Variants in OSBPL9 observed in about 807,000 individuals in gnomAD.
OSBPL9 encodes the protein oxysterol-binding protein-related protein 9.
OSBPL9 carries 40 observed loss-of-function variants against 106.6 expected under a neutral mutation model. The observed-to-expected ratio is 0.38, with a 90% CI of 0.29 to 0.49. The LOEUF is 0.49. OSBPL9 is among the 20% of genes least tolerant of loss of function. The probability of loss-of-function intolerance (pLI) is 0.97; values close to 1 mark genes in which losing one functional copy is unlikely to be tolerated. For synonymous variants in OSBPL9, 269 were observed against 295.4 expected, an observed-to-expected ratio of 0.91 and a Z score of 0.92; for missense variants, 609 against 887.2, an observed-to-expected ratio of 0.69 and a Z score of 3.98.
At chr1:51,662,981 T>C (rs2148738660) in intron 2 of OSBPL9, among the ~76,000 whole-genome samples, 1 of 152,184 alleles carries the variant, frequency 6.6e-6, no homozygotes, top group African/African-American at 2.4e-5. Flanking sequence ...CCTGACCTCA[T>C]GATCTGCCCG....
intron 2 of OSBPL9, among the ~76,000 whole-genome samples, chr1:51,608,237 C>T (rs868502341): frequency 1.2e-4 from 18 of 152,200 alleles, no homozygotes; most frequent in African/African-American, 4.3e-4. Context: ...CAAGTGTCTT[C>T]TGTCTGTTGG....
chr1:51,612,218 G>C (rs185173900), upstream of OSBPL9, among the ~76,000 whole-genome samples: 13 of 152,262 alleles, frequency 8.5e-5, no homozygotes, highest in Admixed American at 8.5e-4. Context: ...TCTATTGCTT[G>C]ATTAGCTTTT....
intron 4 of OSBPL9, among the ~76,000 whole-genome samples, chr1:51,739,165 T>A (rs1007834785): frequency 2.0e-5 from 3 of 152,046 alleles, no homozygotes; most frequent in Non-Finnish European, 2.9e-5. Context: ...AGTGCCCTTC[T>A]GTCATTAATT....
chr1:51,714,137 CTGT>C, intron 4 of OSBPL9, 58 bp downstream of exon 4: 1 of 1,270,618 alleles, frequency 7.9e-7, no homozygotes, highest in Non-Finnish European at 1.1e-6. Context: ...CTTTTTTTGT[CTGT>C]TTTCTGTTTT....
At position 51,654,708 on chromosome 1, in the gene OSBPL9, C is replaced by CTAT. The variant is rs144832297; in HGVS notation, c.162+2687_162+2689dup. On this transcript the variant is annotated intron_variant, in intron 2 of 23. Coordinates refer to ENST00000428468, the MANE Select transcript of OSBPL9 (RefSeq NM_024586.6). ...AAAAAATGTGGTATATAAATACAGTCTATTATTATTATTATTATTATTCAG... is the reference window on the plus strand; with the variant it reads ...AAAAAATGTGGTATATAAATACAGTCTATTATTATTATTATTATTATTATTCAG... 8.1e-3 allele frequency among the ~76,000 whole-genome samples: 1,220 copies of CTAT among 151,512 alleles called. 11 individuals are homozygous for CTAT. The highest frequency in any genetic ancestry group is 0.027 in the African/African-American group (1,132 of 41,312).
At chr1:51,604,723 G>A (rs1193098740) in intron 2 of OSBPL9, among the ~76,000 whole-genome samples, 1 of 152,012 alleles carries the variant, frequency 6.6e-6, no homozygotes, top group East Asian at 2.0e-4. Context: ...GTGCGATCTT[G>A]GCTCACTGCA....
At chr1:51,734,969 T>C (rs1166793023) in intron 4 of OSBPL9, among the ~76,000 whole-genome samples, 2 of 152,226 alleles carry the variant, frequency 1.3e-5, no homozygotes, top group Non-Finnish European at 2.9e-5. Context: ...GCTTCTCAGC[T>C]CCTCAGTTTG....
At chr1:51,575,146 C>T (rs1318178210), upstream of OSBPL9, among the ~76,000 whole-genome samples, 3 of 152,262 alleles carry the variant, frequency 2.0e-5, no homozygotes, top group Admixed American at 1.3e-4. Context: ...TGATCTTCTC[C>T]TTGTAGTTCA....
intron 3 of OSBPL9, among the ~76,000 whole-genome samples, chr1:51,681,412 G>T (rs570497859): frequency 6.6e-6 from 1 of 151,810 alleles, no homozygotes; most frequent in Non-Finnish European, 1.5e-5. Context: ...GAACATATAG[G>T]CAACGGACCA....
At position 51,789,010 on chromosome 1, in the gene OSBPL9, G is replaced by T. The variant is rs1395669675; in HGVS notation, c.*1221G>T. The stretch of plus-strand genomic sequence containing the variant: ...AGGGCTTCTCAAAGTGCTGCTGCAG[G>T]CTTTCTGGTCTCGCTTGGCCCATTC... On this transcript the variant is annotated 3_prime_UTR_variant, in exon 24 of 24. Coordinates refer to ENST00000428468, the MANE Select transcript of OSBPL9 (RefSeq NM_024586.6). Among the ~76,000 whole-genome samples the T allele has an allele frequency of 3.3e-5, 5 of 152,156 alleles. No homozygotes were observed. Among genetic ancestry groups the T allele is most frequent in the Non-Finnish European group, 5.9e-5 (4 of 68,034 alleles).
chr1:51,646,290 C>T (rs1173290354), intron 1 of OSBPL9, among the ~76,000 whole-genome samples: 1 of 151,980 alleles, frequency 6.6e-6, no homozygotes, highest in Admixed American at 6.6e-5. Flanking sequence ...TCTTTAATTT[C>T]CTTGTGTTGT....
At position 51,734,356 on chromosome 1, in the gene OSBPL9, G is replaced by A. The variant is rs80219527; in HGVS notation, c.319-11180G>A. Among the ~76,000 whole-genome samples the A allele has an allele frequency of 4.4e-3, 676 of 152,266 alleles. 7 individuals are homozygous for A. The highest frequency in any genetic ancestry group is 0.015 in the African/African-American group (638 of 41,532). On this transcript the variant is annotated intron_variant, in intron 4 of 23. Coordinates refer to ENST00000428468, the MANE Select transcript of OSBPL9 (RefSeq NM_024586.6). ...ATTCCAGAGCATGTTTTAAAATCTG[G>A]TTGTGTTAGTCTTTCTCACTCAGTT...
chr1:51,736,991 T>C (rs534518678), intron 4 of OSBPL9, among the ~76,000 whole-genome samples: 1 of 152,156 alleles, frequency 6.6e-6, no homozygotes, highest in African/African-American at 2.4e-5. Context: ...CTTTAAGAGA[T>C]TGCTTTCTTG....
chr1:51,624,941 A>G (rs966913141), intron 1 of OSBPL9, among the ~76,000 whole-genome samples: 22 of 152,238 alleles, frequency 1.4e-4, no homozygotes, highest in Admixed American at 1.3e-3. Context: ...CTCCTTGTGA[A>G]TAGAATATGA....
intron 18 of OSBPL9, 61 bp from the exon 19 acceptor site, chr1:51,784,203 C>G: frequency 6.5e-7 from 1 of 1,549,644 alleles, no homozygotes; most frequent in Admixed American, 1.7e-5. Context: ...ATCAGCTCGA[C>G]AAGAAAGCCT....
intron 1 of OSBPL9, among the ~76,000 whole-genome samples, chr1:51,634,764 A>G (rs1330810323): frequency 6.6e-6 from 1 of 152,162 alleles, no homozygotes; most frequent in East Asian, 1.9e-4. Context: ...GGTAATCTAT[A>G]AAGAAAAAGA....
intron 20 of OSBPL9, chr1:51,785,535 A>G (rs946768727): frequency 4.6e-6 from 2 of 435,312 alleles, no homozygotes; most frequent in Non-Finnish European, 8.2e-6. Flanking sequence ...GCTTGAGGAT[A>G]GGGAATTTGC....
intron 2 of OSBPL9, among the ~76,000 whole-genome samples, chr1:51,656,365 G>A (rs1299955603): frequency 1.3e-5 from 2 of 152,008 alleles, no homozygotes; most frequent in Non-Finnish European, 2.9e-5. Context: ...ATCATTGACT[G>A]CACTACTGAT....
intron 2 of OSBPL9, among the ~76,000 whole-genome samples, chr1:51,606,819 C>T (rs978359357): frequency 6.6e-6 from 1 of 152,212 alleles, no homozygotes; most frequent in Non-Finnish European, 1.5e-5. Flanking sequence ...GAGGCCAAGG[C>T]GGGCAGATCA....
Sources: gnomAD v4.1 joint callset for allele counts (sites outside exome capture counted in the v4.1 genomes callset) on GRCh38, gnomAD v4.1.1 for gene constraint, MANE v1.5 for transcripts, NCBI Gene and HGNC (gene_info 2026-07-23, HGNC 2026-07-21) for gene names.